Variants in SSR2 observed in about 807,000 individuals in gnomAD.
SSR2 encodes translocon-associated protein subunit beta.
SSR2 carries 16 observed loss-of-function variants against 22.6 expected under a neutral mutation model. The observed-to-expected ratio is 0.71, with a 90% CI of 0.48 to 1.08. The LOEUF is 1.08. Among genes scored for constraint, SSR2 ranks in the 50% least tolerant of loss-of-function variants. The pLI is 0.00. For synonymous variants in SSR2, 83 were observed against 91.2 expected, an observed-to-expected ratio of 0.91 and a Z score of 0.51; for missense variants, 171 against 221.6, an observed-to-expected ratio of 0.77 and a Z score of 1.45.
intron 2 of SSR2, chr1:156,019,040 T>C (rs887231097): frequency 5.2e-6 from 1 of 190,532 alleles, no homozygotes; most frequent in African/African-American, 2.3e-5. Context: ...ATCTAAAAAA[T>C]AATAATAAAA....
intron 3 of SSR2, 57 bp downstream of exon 3, chr1:156,018,213 T>C (rs747236141): frequency 3.0e-6 from 4 of 1,349,062 alleles, no homozygotes; most frequent in Middle Eastern, 1.8e-4. Flanking sequence ...CCTGCTGCTT[T>C]GCAGGCAAGG....
intron 3 of SSR2, among the ~76,000 whole-genome samples, chr1:156,016,649 CTAAACG>C (rs1002236438): frequency 1.3e-5 from 2 of 152,036 alleles, no homozygotes; most frequent in African/African-American, 4.8e-5. Flanking sequence ...ACCAATAAAC[CTAAACG>C]TATACATAAT....
intron 4 of SSR2, chr1:156,012,679 TC>T (rs1178536769): frequency 6.9e-6 from 3 of 436,788 alleles, no homozygotes; most frequent in African/African-American, 6.0e-5. Context: ...TTAGTTCTTT[TC>T]ATTCTATGGT....
intron 3 of SSR2, among the ~76,000 whole-genome samples, chr1:156,017,785 C>T (rs1260713204): frequency 1.8e-5 from 2 of 110,454 alleles, no homozygotes; most frequent in African/African-American, 3.5e-5. Context: ...GAGTCTCACT[C>T]TGTTGCCTAG....
At chr1:156,017,745 T>TG (rs1683079559) in intron 3 of SSR2, among the ~76,000 whole-genome samples, 1 of 111,082 alleles carries the variant, frequency 9.0e-6, no homozygotes, top group Non-Finnish European at 1.9e-5. Context: ...TCAGGTTTTT[T>TG]TTTTTTTTTT....
At chr1:156,017,017 A>G (rs950356468) in intron 3 of SSR2, among the ~76,000 whole-genome samples, 3 of 152,182 alleles carry the variant, frequency 2.0e-5, no homozygotes, top group Non-Finnish European at 2.9e-5. Flanking sequence ...CTTATTCTTC[A>G]TAGCAACTTG....
intron 3 of SSR2, 78 bp from the exon 4 acceptor site, chr1:156,015,147 A>T (rs935119388): frequency 9.4e-7 from 1 of 1,064,084 alleles, no homozygotes; most frequent in Non-Finnish European, 1.4e-6. Flanking sequence ...TAAATGCACC[A>T]CTTACAAAAC....
At position 156,020,058 on chromosome 1, in the gene SSR2, C is replaced by T; in HGVS notation, c.110G>A (p.Gly37Glu). The T allele has an allele frequency of 6.2e-7, 1 of 1,614,154 alleles. No homozygotes were observed. Among genetic ancestry groups the T allele is most frequent in the Non-Finnish European group, 8.5e-7 (1 of 1,180,030 alleles). Residue 37 changes from glycine to glutamate, a missense_variant, in exon 2 of 6, where the codon GGA (glycine) becomes GAA (glutamate). Gly to Glu is a moderately conservative substitution (Grantham distance 98). Transcript: ENST00000295702. ...KSLLNRYAVE[G>E]RDLTLQYNIY... Reference sequence around the variant, plus strand: ...GTTGTACTGCAAGGTCAGGTCTCGTCCCTCCACGGCGTATCTGTTCAGCAG... The same window carrying T: ...GTTGTACTGCAAGGTCAGGTCTCGTTCCTCCACGGCGTATCTGTTCAGCAG...
In SSR2 at chr1:156,011,793, AAC is replaced by A; in HGVS notation, c.441+15_441+16del. On this transcript the variant is annotated intron_variant, in intron 5 of 5. Coordinates refer to ENST00000295702, the MANE Select transcript of SSR2 (RefSeq NM_003145.4). ...TCATACCAAGGAACTGATGAGAGAG[AAC>A]ACTAGAAAGCTTACAAAATGAGGGG... 6.2e-7 allele frequency: 1 copy of A among 1,608,350 alleles called. No homozygotes were observed. Among genetic ancestry groups the A allele is most frequent in the Non-Finnish European group, 8.5e-7 (1 of 1,174,944 alleles).
chr1:156,015,271 C>T (rs1012705075), intron 3 of SSR2, among the ~76,000 whole-genome samples: 1 of 151,534 alleles, frequency 6.6e-6, no homozygotes, highest in African/African-American at 2.4e-5. Context: ...TTTGGGAGGC[C>T]GAGGCGGGTG....
At chr1:156,010,830 C>G (rs1021588039) in intron 5 of SSR2, 1 of 152,336 alleles carries the variant, frequency 6.6e-6, no homozygotes, top group African/African-American at 2.4e-5. Context: ...TCACACCATG[C>G]TTTTCTCAAT....
chr1:156,020,787 G>A, intron 1 of SSR2, 101 bp downstream of exon 1: 1 of 435,962 alleles, frequency 2.3e-6, no homozygotes, highest in Non-Finnish European at 4.9e-6. Flanking sequence ...CGCGTCCTCT[G>A]CCCTTCCCGC....
chr1:156,019,922 A>T, intron 2 of SSR2, 91 bp downstream of exon 2: 1 of 1,438,114 alleles, frequency 7.0e-7, no homozygotes, highest in South Asian at 1.4e-5. Context: ...CCCAAAGAGA[A>T]ACCACTACCC....
At chr1:156,019,292 A>G (rs1033551182) in intron 2 of SSR2, 8 of 448,172 alleles carry the variant, frequency 1.8e-5, no homozygotes, top group African/African-American at 8.0e-5. Flanking sequence ...GAGGGAGAAG[A>G]GGAACACAGT....
At chr1:156,020,615 C>A in intron 1 of SSR2, 2 of 317,242 alleles carry the variant, frequency 6.3e-6, no homozygotes, top group South Asian at 5.1e-5. Context: ...CTCGCGGGGT[C>A]CTCCTCACAT....
chr1:156,016,880 C>T (rs910582494), intron 3 of SSR2, among the ~76,000 whole-genome samples: 2 of 152,134 alleles, frequency 1.3e-5, no homozygotes, highest in African/African-American at 2.4e-5. Context: ...ACATGTAAGA[C>T]GTGCCTATTT....
chr1:156,017,869 G>A (rs1444577063), intron 3 of SSR2, among the ~76,000 whole-genome samples: 1 of 142,584 alleles, frequency 7.0e-6, no homozygotes, highest in Non-Finnish European at 1.5e-5. Context: ...TCCTGCCTCA[G>A]CCTCCCAAGT....
chr1:156,012,489 G>C, intron 4 of SSR2: 1 of 455,056 alleles, frequency 2.2e-6, no homozygotes, highest in South Asian at 1.6e-5. Flanking sequence ...TTATTCCAAA[G>C]TGGCAGCAAA....
chr1:156,016,286 T>G (rs1265582964), intron 3 of SSR2, among the ~76,000 whole-genome samples: 1 of 152,082 alleles, frequency 6.6e-6, no homozygotes, highest in Non-Finnish European at 1.5e-5. Context: ...CAGGCTGAAG[T>G]GCAGTGGCAT....
Sources: gnomAD v4.1 joint callset for allele counts (sites outside exome capture counted in the v4.1 genomes callset) on GRCh38, gnomAD v4.1.1 for gene constraint, MANE v1.5 for transcripts, NCBI Gene and HGNC (gene_info 2026-07-23, HGNC 2026-07-21) for gene names.